SLC26A7: variants seen among roughly 807,000 people sequenced by gnomAD.
SLC26A7 encodes the protein anion exchange transporter.
A neutral mutation model predicts 82.5 loss-of-function variants in SLC26A7; 59 were observed. The observed-to-expected ratio is 0.72, with a 90% CI of 0.58 to 0.89. The LOEUF is 0.89. SLC26A7 is among the 40% of genes least tolerant of loss of function. SLC26A7 has a pLI of 0.00. For synonymous variants in SLC26A7, 271 were observed against 274.3 expected (o/e 0.99, Z 0.12); for missense variants, 820 against 793.0 (o/e 1.03, Z -0.41).
Position 91,351,997 on chromosome 8 carries a change from A to G in SLC26A7, c.1218+110A>G, listed in dbSNP as rs575316924. 1.0e-5 allele frequency: 9 copies of G among 875,078 alleles called. No individual in the cohort carries two copies. In the African/African-American group the frequency reaches 1.2e-4, roughly 12 times the overall value. 54.2% of individuals were successfully genotyped at this position (875,078 alleles called of 1,614,324 possible). On this transcript the variant is annotated intron_variant, in intron 10 of 18. Coordinates refer to ENST00000276609, the MANE Select transcript of SLC26A7 (RefSeq NM_052832.4). ...CTCAACAATCCTAAATGTAGAAACC[A>G]TGTTACAGAAGTAAAGTTTGAATGG...
At chr8:91,216,500 A>G (rs1446828140) in intron 1 of SLC26A7, among the ~76,000 whole-genome samples, 1 of 152,092 alleles carries the variant, frequency 6.6e-6, no homozygotes, top group East Asian at 1.9e-4. Flanking sequence ...GGCTCTATTA[A>G]TTGTTCAGGT....
intron 15 of SLC26A7, among the ~76,000 whole-genome samples, chr8:91,371,989 A>T (rs530753970): frequency 2.0e-5 from 3 of 151,868 alleles, no homozygotes; most frequent in Admixed American, 6.6e-5. Flanking sequence ...CTGATGATTA[A>T]TGATGTTGAG....
At position 91,395,387 on chromosome 8, in the gene SLC26A7, G is replaced by A. The variant is rs546506752; in HGVS notation, c.*290G>A. 41 of 501,674 alleles carry A rather than the reference G, an allele frequency of 8.2e-5. No individual in the cohort carries two copies. Among genetic ancestry groups the A allele is most frequent in the Non-Finnish European group, 1.1e-4 (39 of 349,216 alleles). 31.1% of individuals were successfully genotyped at this position (501,674 alleles called of 1,614,324 possible). A position where few individuals can be genotyped will look rare whatever the true frequency, so the allele number is the denominator to read the frequency against. On this transcript the variant is annotated 3_prime_UTR_variant, in exon 19 of 19. Transcript: ENST00000276609. ...TTATTTTATTTTACCATATTATTTT[G>A]TGTTGTTTTATTTCTATTGTGCTGT...
chr8:91,308,710 T>C (rs1394707178), intron 4 of SLC26A7, among the ~76,000 whole-genome samples: 1 of 152,202 alleles, frequency 6.6e-6, no homozygotes, highest in East Asian at 1.9e-4. Flanking sequence ...ATTTATTTAT[T>C]TAGTCAATCA....
chr8:91,239,387 A>ATATAT (rs1370145787), intron 2 of SLC26A7, among the ~76,000 whole-genome samples: 2 of 106,528 alleles, frequency 1.9e-5, no homozygotes, highest in Non-Finnish European at 4.0e-5. Context: ...AAAAAAAAAA[A>ATATAT]AAAAAAAAAT....
At chr8:91,249,449 G>T in intron 1 of SLC26A7, 36 bp downstream of exon 1, 1 of 394,028 alleles carries the variant, frequency 2.5e-6, no homozygotes, top group Non-Finnish European at 4.5e-6. Context: ...AGAATAATTA[G>T]CTGTATCATA....
chr8:91,351,862 G>C lies in SLC26A7; in HGVS notation c.1193G>C (p.Gly398Ala). ...IFVLIVIYAI[G>A]PLLYWLPMCV... ...GTCCTTATAGTCATCTATGCAATAG[G>C]ACCTTTGCTTTACTGGCTGCCCATG... is the stretch of plus-strand genomic sequence containing the variant. The change falls in exon 10 of 19, where the codon GGA (glycine) becomes GCA (alanine). Residue 398 changes from glycine (G) to alanine (A), a missense_variant. Gly to Ala is a moderately conservative substitution (Grantham distance 60). Transcript: ENST00000276609. The C allele has an allele frequency of 6.2e-7, 1 of 1,612,302 alleles. No individual in the cohort carries two copies. The highest frequency in any genetic ancestry group is 8.5e-7 in the Non-Finnish European group (1 of 1,178,688).
intron 4 of SLC26A7, among the ~76,000 whole-genome samples, chr8:91,313,759 C>G (rs1410796926): frequency 6.6e-6 from 1 of 152,126 alleles, no homozygotes; most frequent in African/African-American, 2.4e-5. Flanking sequence ...GTGCCTAACT[C>G]TTAGTAGATA....
chr8:91,393,770 G>T, intron 16 of SLC26A7, 27 bp from the exon 17 acceptor site: 3 of 1,609,120 alleles, frequency 1.9e-6, no homozygotes, highest in Non-Finnish European at 2.6e-6. Flanking sequence ...TGAATTAATT[G>T]TGGGTATCCT....
chr8:91,282,001 G>C (rs1055616712), intron 2 of SLC26A7, among the ~76,000 whole-genome samples: 3 of 152,058 alleles, frequency 2.0e-5, no homozygotes, highest in African/African-American at 4.8e-5. Context: ...ATTTGCACAT[G>C]ATTACTTTTT....
chr8:91,222,088 G>A (rs1810168438), intron 2 of SLC26A7, among the ~76,000 whole-genome samples: 1 of 151,998 alleles, frequency 6.6e-6, no homozygotes, highest in Non-Finnish European at 1.5e-5. Flanking sequence ...GGGCTTTCAT[G>A]TCCCTTGTAA....
chr8:91,279,180 A>G (rs1811498931), intron 2 of SLC26A7, among the ~76,000 whole-genome samples: 1 of 135,512 alleles, frequency 7.4e-6, no homozygotes, highest in Admixed American at 7.8e-5. Context: ...TCACATTTTA[A>G]GAAATCCAGT....
In SLC26A7 at chr8:91,366,660, A is replaced by G. The variant is rs914303060; in HGVS notation, c.1569A>G (p.Leu523=). ...FLNAKKFYTD[L]MNMIQKENAC... is the part of the protein sequence containing the mutation. ...ATGCAAAAAAATTTTATACTGATTT[A>G]ATGAACATGATCCAAAAGGAAAATG... is the stretch of plus-strand genomic sequence containing the variant. Residue 523 remains leucine, a synonymous_variant, in exon 14 of 19, where the codon TTA becomes TTG. Transcript: ENST00000276609. 1.2e-6 allele frequency: 2 copies of G among 1,613,654 alleles called. No homozygotes were observed. The highest frequency in any genetic ancestry group is 8.5e-7 in the Non-Finnish European group (1 of 1,179,850).
chr8:91,234,986 C>T (rs1810373047), intron 2 of SLC26A7, among the ~76,000 whole-genome samples: 1 of 151,702 alleles, frequency 6.6e-6, no homozygotes. Flanking sequence ...GTGGTGTGAT[C>T]GTGGCTCACT....
chr8:91,329,724 T>C (rs773615979), intron 5 of SLC26A7, among the ~76,000 whole-genome samples: 5 of 152,190 alleles, frequency 3.3e-5, no homozygotes, highest in Non-Finnish European at 7.4e-5. Context: ...TGGATATTTG[T>C]CTTCTTCCTG....
At chr8:91,304,447 G>A (rs1388731889) in intron 4 of SLC26A7, among the ~76,000 whole-genome samples, 2 of 152,044 alleles carry the variant, frequency 1.3e-5, no homozygotes, top group East Asian at 1.9e-4. Context: ...CTTCCCCTTT[G>A]CCCTTTTGCC....
intron 3 of SLC26A7, among the ~76,000 whole-genome samples, chr8:91,290,398 G>T (rs1396274410): frequency 6.6e-6 from 1 of 152,142 alleles, no homozygotes; most frequent in Non-Finnish European, 1.5e-5. Flanking sequence ...TAAAACTAAG[G>T]TGTCAGCAGG....
chr8:91,274,918 C>T (rs908618227), intron 2 of SLC26A7, among the ~76,000 whole-genome samples: 1 of 152,196 alleles, frequency 6.6e-6, no homozygotes, highest in Non-Finnish European at 1.5e-5. Flanking sequence ...TTTTTAAGGG[C>T]AGTCTCTTAC....
At chr8:91,219,010 G>C (rs1291953750) in intron 2 of SLC26A7, 1 of 1,490,584 alleles carries the variant, frequency 6.7e-7, no homozygotes, top group East Asian at 2.5e-5. Flanking sequence ...GAACAGGTGA[G>C]GTGCTCATTC....
Sources: allele counts gnomAD v4.1 joint callset (sites outside exome capture counted in the v4.1 genomes callset), GRCh38; gene constraint gnomAD v4.1.1; transcripts MANE v1.5; gene names NCBI Gene and HGNC (gene_info 2026-07-23, HGNC 2026-07-21).